GRID2: variants seen among roughly 807,000 people sequenced by gnomAD.
The protein encoded by GRID2 is glutamate ionotropic receptor delta type subunit 2.
In GRID2, 33 loss-of-function variants were observed where a neutral mutation model predicts 114.8. The observed-to-expected ratio is 0.29, with a 90% CI of 0.22 to 0.38. The LOEUF is 0.38. Ranked by LOEUF, GRID2 falls within the 10% of genes least tolerant of loss-of-function variation. The pLI is 1.00. For missense variants in GRID2, 1,184 were observed against 1,257.7 expected, an observed-to-expected ratio of 0.94 and a Z score of 0.89; for synonymous variants, 505 against 449.9, an observed-to-expected ratio of 1.12 and a Z score of -1.55.
intron 2 of GRID2, among the ~76,000 whole-genome samples, chr4:92,950,818 G>C (rs943438283): frequency 6.6e-6 from 1 of 152,164 alleles, no homozygotes; most frequent in Admixed American, 6.6e-5. Context: ...CCAGGTAAAA[G>C]AGAAGAAGAG....
chr4:93,165,008 G>A (rs902861218), intron 4 of GRID2, among the ~76,000 whole-genome samples: 3 of 152,026 alleles, frequency 2.0e-5, no homozygotes, highest in African/African-American at 7.2e-5. Flanking sequence ...AGACCCTGGA[G>A]AAGTTTTTCA....
At chr4:93,398,757 T>C (rs1277073982) in intron 9 of GRID2, among the ~76,000 whole-genome samples, 1 of 151,602 alleles carries the variant, frequency 6.6e-6, no homozygotes, top group Non-Finnish European at 1.5e-5. Flanking sequence ...GTGTTTTTTT[T>C]TTTTTTTTTC....
intron 6 of GRID2, among the ~76,000 whole-genome samples, chr4:93,219,928 G>A (rs886926778): frequency 6.6e-6 from 1 of 152,130 alleles, no homozygotes; most frequent in Non-Finnish European, 1.5e-5. Flanking sequence ...GATAGCAAGA[G>A]TAGGGGCACT....
intron 2 of GRID2, among the ~76,000 whole-genome samples, chr4:93,010,076 A>G (rs1221688121): frequency 6.6e-6 from 1 of 152,092 alleles, no homozygotes; most frequent in East Asian, 1.9e-4. Flanking sequence ...GATGGAAAGG[A>G]GAAGAGTCAA....
At chr4:93,522,135 C>A (rs1417437439) in intron 13 of GRID2, among the ~76,000 whole-genome samples, 3 of 152,096 alleles carry the variant, frequency 2.0e-5, no homozygotes, top group Non-Finnish European at 4.4e-5. Flanking sequence ...GACTTAGAAG[C>A]ACAGTCCATC....
At chr4:92,627,384 G>A (rs1205132690) in intron 2 of GRID2, among the ~76,000 whole-genome samples, 1 of 151,952 alleles carries the variant, frequency 6.6e-6, no homozygotes, top group African/African-American at 2.4e-5. Context: ...TTGGTTCGCT[G>A]AACAAAAACA....
chr4:93,670,381 C>T (rs1439544), intron 14 of GRID2, among the ~76,000 whole-genome samples: 152,268 of 152,276 alleles, frequency 1, 76,130 homozygotes, highest in Middle Eastern at 1. Context: ...AAGCAAAAGT[C>T]ATATTTTTTT....
At chr4:93,016,062 A>AGTGTGT (rs34148364) in intron 2 of GRID2, among the ~76,000 whole-genome samples, 13 of 148,262 alleles carry the variant, frequency 8.8e-5, no homozygotes, top group African/African-American at 2.2e-4. Flanking sequence ...TGTGTGTGTG[A>AGTGTGT]GTGTGTGTGT....
At chr4:93,012,481 C>T (rs966032342) in intron 2 of GRID2, among the ~76,000 whole-genome samples, 7 of 152,024 alleles carry the variant, frequency 4.6e-5, no homozygotes, top group African/African-American at 1.7e-4. Flanking sequence ...AGGCCTAGGG[C>T]AACGTGGTGT....
At chr4:92,636,142 C>G (rs965138728) in intron 2 of GRID2, among the ~76,000 whole-genome samples, 1 of 151,894 alleles carries the variant, frequency 6.6e-6, no homozygotes. Context: ...ACTGTTAGAA[C>G]CCTAGAGTTG....
At chr4:92,505,697 A>G (rs961177358) in intron 1 of GRID2, among the ~76,000 whole-genome samples, 3 of 152,042 alleles carry the variant, frequency 2.0e-5, no homozygotes, top group South Asian at 4.1e-4. Flanking sequence ...TAATCAGAGA[A>G]GACAGTAGGG....
At chr4:93,080,274 A>T (rs1729741747) in intron 2 of GRID2, among the ~76,000 whole-genome samples, 1 of 152,202 alleles carries the variant, frequency 6.6e-6, no homozygotes, top group South Asian at 2.1e-4. Context: ...TAAACAGAAA[A>T]AAAGTAATTA....
intron 2 of GRID2, among the ~76,000 whole-genome samples, chr4:93,045,058 C>T (rs1209150426): frequency 6.6e-6 from 1 of 152,018 alleles, no homozygotes; most frequent in East Asian, 1.9e-4. Context: ...TTGTGTAGGC[C>T]ATGAAGATAG....
intron 2 of GRID2, among the ~76,000 whole-genome samples, chr4:92,694,223 TG>T (rs1237234419): frequency 2.0e-5 from 3 of 152,156 alleles, no homozygotes; most frequent in Non-Finnish European, 4.4e-5. Context: ...TCCTTGTGCT[TG>T]TGAAAATGGC....
At chr4:92,603,217 AC>A (rs1408821281) in intron 2 of GRID2, among the ~76,000 whole-genome samples, 1 of 152,172 alleles carries the variant, frequency 6.6e-6, no homozygotes, top group African/African-American at 2.4e-5. Context: ...TTCATATGGA[AC>A]CAAAAAAGAG....
chr4:93,676,703 C>G (rs180892682), intron 14 of GRID2, among the ~76,000 whole-genome samples: 230 of 149,188 alleles, frequency 1.5e-3, no homozygotes, highest in Non-Finnish European at 2.5e-3. Context: ...TGCACATATA[C>G]CCTAAAACTT....
intron 2 of GRID2, among the ~76,000 whole-genome samples, chr4:92,906,917 T>G (rs1748001300): frequency 6.6e-6 from 1 of 152,196 alleles, no homozygotes. Flanking sequence ...ACTCTGGAGC[T>G]TGTTAGGAGT....
intron 8 of GRID2, among the ~76,000 whole-genome samples, chr4:93,365,596 T>G (rs552340031): frequency 6.6e-5 from 10 of 152,294 alleles, no homozygotes; most frequent in African/African-American, 2.4e-4. Flanking sequence ...GTTTCTGCTT[T>G]GAGTAGTAGT....
At chr4:93,242,694 A>C (rs1448753289) in intron 8 of GRID2, among the ~76,000 whole-genome samples, 1 of 151,992 alleles carries the variant, frequency 6.6e-6, no homozygotes, top group East Asian at 1.9e-4. Flanking sequence ...CTTCAGAGCC[A>C]GAAATTATGT....
Sources: allele counts gnomAD v4.1 joint callset (sites outside exome capture counted in the v4.1 genomes callset), GRCh38; gene constraint gnomAD v4.1.1; transcripts MANE v1.5; gene names NCBI Gene and HGNC (gene_info 2026-07-23, HGNC 2026-07-21).